Variants in ADAM22 observed in about 807,000 individuals in gnomAD.
The protein encoded by ADAM22 is disintegrin and metalloproteinase domain-containing protein 22.
A neutral mutation model predicts 144.6 loss-of-function variants in ADAM22; 65 were observed. The ratio of observed to expected loss-of-function variants is 0.45; its 90% CI spans 0.37 to 0.55. The LOEUF (loss-of-function observed/expected upper bound fraction) is 0.55, where lower values mean the gene tolerates loss of function less well. Among genes scored for constraint, ADAM22 ranks in the 20% least tolerant of loss-of-function variants. The probability of loss-of-function intolerance (pLI) is 0.00; values close to 1 mark genes in which losing one functional copy is unlikely to be tolerated. For synonymous variants in ADAM22, 391 were observed against 412.6 expected, an observed-to-expected ratio of 0.95 and a Z score of 0.63; for missense variants, 974 against 1,184.9, an observed-to-expected ratio of 0.82 and a Z score of 2.61.
intron 2 of ADAM22, among the ~76,000 whole-genome samples, chr7:87,970,994 T>G: frequency 6.6e-6 from 1 of 152,298 alleles, no homozygotes; most frequent in East Asian, 1.9e-4. Flanking sequence ...TGCCTCAATC[T>G]CTAAAGCACA....
chr7:88,073,657 A>G (rs1813424919), intron 3 of ADAM22, among the ~76,000 whole-genome samples: 1 of 152,202 alleles, frequency 6.6e-6, no homozygotes, highest in African/African-American at 2.4e-5. Flanking sequence ...AGGTTGGTAT[A>G]CCTGGGTTAG....
intron 4 of ADAM22, among the ~76,000 whole-genome samples, chr7:88,083,587 TTGTGTGTGTGTGTGTGTGTGTGTGTGTG>T (rs35145003): frequency 7.9e-6 from 1 of 126,670 alleles, no homozygotes; most frequent in Non-Finnish European, 1.7e-5. Flanking sequence ...TACTTTGTGT[TTGTGTGTGTGTGTGTGTGTGTGTGTGTG>T]TGTGTGTGTG....
chr7:88,022,311 C>A (rs912488666), intron 3 of ADAM22, among the ~76,000 whole-genome samples: 2 of 152,102 alleles, frequency 1.3e-5, no homozygotes, highest in Admixed American at 1.3e-4. Flanking sequence ...GGAATGATAC[C>A]AGATGGTTCA....
chr7:87,945,031 G>C (rs1429265099), intron 2 of ADAM22, among the ~76,000 whole-genome samples: 2 of 151,396 alleles, frequency 1.3e-5, no homozygotes, highest in African/African-American at 2.4e-5. Flanking sequence ...AAGGTCTGCA[G>C]GCTAGTGAGA....
chr7:88,189,286 C>G (rs1403990287), intron 30 of ADAM22, among the ~76,000 whole-genome samples: 1 of 152,146 alleles, frequency 6.6e-6, no homozygotes, highest in East Asian at 1.9e-4. Flanking sequence ...AGAAGGTAGC[C>G]TTACTCTCGG....
chr7:87,974,585 T>G (rs371325732), intron 2 of ADAM22, among the ~76,000 whole-genome samples: 1 of 152,180 alleles, frequency 6.6e-6, no homozygotes, highest in African/African-American at 2.4e-5. Context: ...GAAAGTGACA[T>G]TGAATACTGG....
intron 13 of ADAM22, among the ~76,000 whole-genome samples, chr7:88,135,145 G>A (rs1832695913): frequency 1.3e-5 from 2 of 151,630 alleles, no homozygotes; most frequent in South Asian, 4.2e-4. Context: ...GGGTGTGGTG[G>A]CAGGCTCTTA....
Position 88,113,704 on chromosome 7 carries a change from A to ATAAATAAATAAATATG in ADAM22, c.474-878_474-877insAATAAATAAATATGTA, listed in dbSNP as rs1554478743. On this transcript the variant is annotated intron_variant, in intron 5 of 31. Transcript: ENST00000413139. The stretch of plus-strand genomic sequence containing the variant: ...ATATATATTATAAATAAATAAATAA[A>ATAAATAAATAAATATG]TATATATATATATATATATATATAT... Among the ~76,000 whole-genome samples, 31 of 28,072 alleles carry ATAAATAAATAAATATG rather than the reference A, an allele frequency of 1.1e-3. 2 individuals carry two copies. In the East Asian group the frequency reaches 0.068, roughly 61 times the overall value. 18.4% of individuals were successfully genotyped at this position (28,072 alleles called of 152,430 possible).
chr7:87,948,627 G>A (rs1329019895), intron 2 of ADAM22, among the ~76,000 whole-genome samples: 1 of 152,132 alleles, frequency 6.6e-6, no homozygotes, highest in Non-Finnish European at 1.5e-5. Context: ...CATTGCTACA[G>A]GATAGGGATC....
intron 5 of ADAM22, 40 bp from the exon 6 acceptor site, chr7:88,114,544 A>G: frequency 1.3e-6 from 2 of 1,587,656 alleles, no homozygotes; most frequent in East Asian, 4.5e-5. Context: ...CTGGGATGAG[A>G]GTCGATGGCC....
rs572216031 is a variant in ADAM22 at position 88,126,196 on chromosome 7, T to C, written c.678+537T>C. 2.6e-5 allele frequency among the ~76,000 whole-genome samples: 4 copies of C among 152,128 alleles called. No homozygotes were observed. The South Asian group carries it at 8.3e-4, about 32-fold the overall frequency. On this transcript the variant is annotated intron_variant, in intron 8 of 31. Transcript: ENST00000413139. ...ATATGACGCTTTAAACCAAATGAAG[T>C]CGGTACTATTATTCCCCTTTCACTG...
intron 4 of ADAM22, among the ~76,000 whole-genome samples, chr7:88,076,327 C>T (rs1814488027): frequency 2.6e-5 from 4 of 152,198 alleles, no homozygotes; most frequent in Non-Finnish European, 4.4e-5. Context: ...CATGAGCCAA[C>T]GCGCCTGGGA....
At chr7:88,123,472 T>A (rs1829766480) in intron 7 of ADAM22, among the ~76,000 whole-genome samples, 1 of 152,164 alleles carries the variant, frequency 6.6e-6, no homozygotes, top group South Asian at 2.1e-4. Context: ...TTCAAGGAAT[T>A]TCATCTAAAT....
At chr7:88,118,049 T>C (rs752726759) in intron 7 of ADAM22, among the ~76,000 whole-genome samples, 5 of 152,186 alleles carry the variant, frequency 3.3e-5, no homozygotes, top group Admixed American at 6.5e-5. Flanking sequence ...GTAAGATTAA[T>C]GTTATTCCCG....
chr7:88,096,607 T>A (rs1029026224), intron 4 of ADAM22, among the ~76,000 whole-genome samples: 2 of 151,834 alleles, frequency 1.3e-5, no homozygotes, highest in African/African-American at 2.4e-5. Context: ...TTTGGTATTT[T>A]AAAAATTTCC....
At chr7:88,020,292 A>G (rs1797538988) in intron 3 of ADAM22, among the ~76,000 whole-genome samples, 1 of 152,194 alleles carries the variant, frequency 6.6e-6, no homozygotes, top group African/African-American at 2.4e-5. Context: ...TCAGGCCAGA[A>G]CCACCATCTC....
chr7:88,042,061 G>A (rs1191410879), intron 3 of ADAM22, among the ~76,000 whole-genome samples: 2 of 151,992 alleles, frequency 1.3e-5, no homozygotes, highest in Non-Finnish European at 2.9e-5. Flanking sequence ...TGATGATAGA[G>A]CTTTTCTTTG....
At chr7:88,059,968 C>T (rs1306578399) in intron 3 of ADAM22, among the ~76,000 whole-genome samples, 2 of 151,840 alleles carry the variant, frequency 1.3e-5, no homozygotes, top group African/African-American at 4.8e-5. Flanking sequence ...CTTAATTATA[C>T]AATATATATA....
intron 5 of ADAM22, among the ~76,000 whole-genome samples, chr7:88,108,859 T>A (rs977894338): frequency 6.6e-6 from 1 of 152,066 alleles, no homozygotes; most frequent in Admixed American, 6.6e-5. Flanking sequence ...CTCAAAAAAA[T>A]TAAATAAAAT....
Sources: allele counts gnomAD v4.1 joint callset (sites outside exome capture counted in the v4.1 genomes callset), GRCh38; gene constraint gnomAD v4.1.1; transcripts MANE v1.5; gene names NCBI Gene and HGNC (gene_info 2026-07-23, HGNC 2026-07-21).